Variants in NIM1K observed in about 807,000 individuals in gnomAD.
NIM1K encodes NIM1 serine/threonine protein kinase.
Under a neutral mutation model 37.1 loss-of-function variants are expected in NIM1K, and 35 were observed. That is an observed-to-expected ratio of 0.94 (90% CI 0.72 to 1.25). NIM1K has a LOEUF of 1.25. Ranked by LOEUF, NIM1K falls within the 50% of genes most tolerant of loss-of-function variation. The probability of loss-of-function intolerance (pLI) is 0.00; values close to 1 mark genes in which losing one functional copy is unlikely to be tolerated. For missense variants in NIM1K, 564 were observed against 548.0 expected (o/e 1.03, Z -0.29); for synonymous variants, 234 against 206.6 (o/e 1.13, Z -1.14).
intron 1 of NIM1K, among the ~76,000 whole-genome samples, chr5:43,213,289 C>CCTTTTCTTTTCTTTTCTTTT (rs1172681240): frequency 1.1e-4 from 4 of 37,812 alleles, no homozygotes; most frequent in African/African-American, 2.3e-4. Context: ...TGTTTCCTTT[C>CCTTTTCTTTTCTTTTCTTTT]CTTTTCTTTT....
At chr5:43,230,157 G>C (rs1024038972) in intron 1 of NIM1K, among the ~76,000 whole-genome samples, 2 of 151,884 alleles carry the variant, frequency 1.3e-5, no homozygotes, top group Non-Finnish European at 2.9e-5. Flanking sequence ...AACAATAAAG[G>C]CTTAAAGAAG....
At chr5:43,203,854 C>T (rs374728776) in intron 1 of NIM1K, among the ~76,000 whole-genome samples, 39 of 151,734 alleles carry the variant, frequency 2.6e-4, no homozygotes, top group Non-Finnish European at 4.9e-4. Context: ...GGTGAAACCC[C>T]GTCTCTACTA....
At position 43,245,886 on chromosome 5, in the gene NIM1K, T is replaced by C; in HGVS notation, c.111T>C (p.Gly37=). ...SGCQTESSKE[G]EEGQPRQLTP... is the part of the protein sequence containing the mutation. ...GTCAGACCGAGAGTAGCAAGGAGGG[T>C]GAGGAGGGACAGCCCCGCCAGCTGA... The change falls in exon 2 of 4, where the codon GGT becomes GGC. Residue 37 remains glycine, a synonymous_variant. Coordinates refer to ENST00000326035, the MANE Select transcript of NIM1K (RefSeq NM_153361.4). 6.2e-7 allele frequency: 1 copy of C among 1,611,284 alleles called. No homozygotes were observed. The highest frequency in any genetic ancestry group is 8.5e-7 in the Non-Finnish European group (1 of 1,178,970).
intron 2 of NIM1K, among the ~76,000 whole-genome samples, chr5:43,258,089 C>T (rs913979646): frequency 2.0e-5 from 3 of 152,178 alleles, no homozygotes; most frequent in South Asian, 4.1e-4. Context: ...TCCACCTGCT[C>T]GTCATCCTCC....
At chr5:43,214,664 A>T (rs1752271708) in intron 1 of NIM1K, among the ~76,000 whole-genome samples, 1 of 151,910 alleles carries the variant, frequency 6.6e-6, no homozygotes, top group African/African-American at 2.4e-5. Flanking sequence ...AAATACAAAA[A>T]AATTAGCTGG....
intron 1 of NIM1K, among the ~76,000 whole-genome samples, chr5:43,208,551 G>A (rs1466238126): frequency 1.3e-5 from 2 of 151,812 alleles, no homozygotes; most frequent in East Asian, 1.9e-4. Flanking sequence ...GCAGTGAGCC[G>A]AGATCACGCC....
At chr5:43,234,381 G>A (rs558064260) in intron 1 of NIM1K, among the ~76,000 whole-genome samples, 1 of 127,510 alleles carries the variant, frequency 7.8e-6, no homozygotes, top group South Asian at 2.6e-4. Context: ...TTTAAAAATT[G>A]TATTATAAGC....
chr5:43,230,325 C>T (rs909128094), intron 1 of NIM1K, among the ~76,000 whole-genome samples: 2 of 151,838 alleles, frequency 1.3e-5, no homozygotes, highest in Non-Finnish European at 1.5e-5. Context: ...CCATTTACCC[C>T]ACTGTGTCCA....
At chr5:43,193,730 A>G (rs1374990910) in intron 1 of NIM1K, 2 of 152,214 alleles carry the variant, frequency 1.3e-5, no homozygotes, top group African/African-American at 2.4e-5. Flanking sequence ...TTGCATCATC[A>G]GTATTCAATG....
At chr5:43,277,779 C>CGTGTGTGTGTGTGT (rs765779433) in intron 3 of NIM1K, among the ~76,000 whole-genome samples, 1 of 127,508 alleles carries the variant, frequency 7.8e-6, no homozygotes, top group East Asian at 2.4e-4. Context: ...CCCCCCTCTC[C>CGTGTGTGTGTGTGT]GTGTGTGTGT....
chr5:43,271,397 C>T (rs1412260399), intron 2 of NIM1K, among the ~76,000 whole-genome samples: 1 of 151,982 alleles, frequency 6.6e-6, no homozygotes, highest in Non-Finnish European at 1.5e-5. Flanking sequence ...CTAGAACTTC[C>T]TTTTATATTT....
rs113334440 is a variant in NIM1K at position 43,261,313 on chromosome 5, G to A, written c.292+15246G>A. ...TTAATGATTGCCATAACTAGTATGAGATGGTATTTCATTGTGGTTTTGATT... is the reference window on the plus strand; with the variant it reads ...TTAATGATTGCCATAACTAGTATGAAATGGTATTTCATTGTGGTTTTGATT... On this transcript the variant is annotated intron_variant, in intron 2 of 3. Transcript: ENST00000326035. 5.8e-4 allele frequency among the ~76,000 whole-genome samples: 88 copies of A among 152,282 alleles called. 1 individual carries two copies. Among genetic ancestry groups the A allele is most frequent in the African/African-American group, 2.0e-3 (85 of 41,550 alleles).
intron 1 of NIM1K, among the ~76,000 whole-genome samples, chr5:43,238,429 G>A (rs1226288937): frequency 1.3e-5 from 2 of 151,666 alleles, no homozygotes; most frequent in Non-Finnish European, 2.9e-5. Context: ...ATTTGTTCTG[G>A]TTTTATGGAT....
chr5:43,260,591 T>TATAG (rs920917992), intron 2 of NIM1K, among the ~76,000 whole-genome samples: 3 of 149,844 alleles, frequency 2.0e-5, no homozygotes, highest in Middle Eastern at 3.4e-3. Context: ...CATATATATA[T>TATAG]AGAGAGAGAG....
At chr5:43,207,487 G>T in intron 1 of NIM1K, 1 of 741,738 alleles carries the variant, frequency 1.3e-6, no homozygotes, top group South Asian at 1.3e-5. Flanking sequence ...CCAAAGAAGG[G>T]AGATAATTTT....
chr5:43,220,523 C>T (rs545480043), intron 1 of NIM1K, among the ~76,000 whole-genome samples: 4 of 152,228 alleles, frequency 2.6e-5, no homozygotes, highest in South Asian at 4.1e-4. Context: ...TCAGGTGATC[C>T]GCCCGCCTTG....
Position 43,277,111 on chromosome 5 carries a change from G to T in NIM1K, c.347G>T (p.Arg116Met), listed in dbSNP as rs770523744. ...DKTKLDQKTQ[R>M]LLSREISSME... ...ACCAAGTTAGACCAGAAAACCCAGAGGCTACTATCCCGAGAAATCTCCAGC... is the reference window on the plus strand; with the variant it reads ...ACCAAGTTAGACCAGAAAACCCAGATGCTACTATCCCGAGAAATCTCCAGC... Residue 116 changes from arginine (R) to methionine (M), a missense_variant, in exon 3 of 4, where the codon AGG becomes ATG. Transcript: ENST00000326035. 1 of 1,614,110 alleles carries T rather than the reference G, an allele frequency of 6.2e-7. No individual in the cohort carries two copies. The highest frequency in any genetic ancestry group is 1.7e-5 in the Admixed American group (1 of 60,022).
chr5:43,236,235 C>T (rs1752619586), intron 1 of NIM1K, among the ~76,000 whole-genome samples: 1 of 151,900 alleles, frequency 6.6e-6, no homozygotes, highest in Non-Finnish European at 1.5e-5. Context: ...CCACTGCACT[C>T]CAGCTTGGGT....
chr5:43,260,539 T>A (rs1395671610), intron 2 of NIM1K, among the ~76,000 whole-genome samples: 3 of 152,184 alleles, frequency 2.0e-5, no homozygotes, highest in Non-Finnish European at 4.4e-5. Context: ...TATGGTTTTG[T>A]TTTTAATTCT....
Sources: gnomAD v4.1 joint callset for allele counts (sites outside exome capture counted in the v4.1 genomes callset) on GRCh38, gnomAD v4.1.1 for gene constraint, MANE v1.5 for transcripts, NCBI Gene and HGNC (gene_info 2026-07-23, HGNC 2026-07-21) for gene names.